Variants in ANO1 observed in about 807,000 individuals in gnomAD.
The protein encoded by ANO1 is anoctamin 1.
A neutral mutation model predicts 124.0 loss-of-function variants in ANO1; 59 were observed. That is an observed-to-expected ratio of 0.48 (90% CI 0.39 to 0.59). ANO1 has a LOEUF of 0.59. Ranked by LOEUF, ANO1 falls within the 20% of genes least tolerant of loss-of-function variation. ANO1 has a pLI of 0.00. For synonymous variants in ANO1, 529 were observed against 532.0 expected (o/e 0.99, Z 0.08); for missense variants, 1,059 against 1,328.0 (o/e 0.80, Z 3.15).
chr11:70,070,314 T>G (rs1555009144), intron 1 of ANO1, among the ~76,000 whole-genome samples: 1 of 152,172 alleles, frequency 6.6e-6, no homozygotes, highest in African/African-American at 2.4e-5. Flanking sequence ...AGCGAACTCC[T>G]CTGCAGATAA....
intron 16 of ANO1, among the ~76,000 whole-genome samples, chr11:70,158,010 A>G (rs2047888487): frequency 6.7e-6 from 1 of 149,726 alleles, no homozygotes; most frequent in Admixed American, 6.7e-5. Context: ...AAACCTGTTT[A>G]TGTTTATTTT....
chr11:70,163,351 T>G lies in ANO1; in HGVS notation c.1950+11T>G, dbSNP rs374908381. ...TTCCGAATGGAAGAGGTAACCGAAA[T>G]TTTATTCATCTCTGGCAGCCCCTTC... On this transcript the variant is annotated intron_variant, in intron 19 of 25. Transcript: ENST00000355303. 1.4e-5 allele frequency: 23 copies of G among 1,613,778 alleles called. No individual in the cohort carries two copies. In the East Asian group the frequency reaches 2.4e-4, roughly 17 times the overall value.
chr11:70,076,104 T>C (rs561011377), upstream of ANO1, among the ~76,000 whole-genome samples: 6 of 152,182 alleles, frequency 3.9e-5, no homozygotes, highest in African/African-American at 9.6e-5. Context: ...CTGGGAAGAC[T>C]TGGGGAAGGG....
rs1311843668 is a variant in ANO1, at chr11:70,040,551, C to A, written c.59-37991C>A. On this transcript the variant is annotated intron_variant, in intron 1 of 27. Coordinates refer to the ANO1 transcript ENST00000531349. ...ATTAGTCGGGCATGGTGGCACGCACCTGCAATCCCAGCACTTGGGAGGCCG... is the reference window on the plus strand; with the variant it reads ...ATTAGTCGGGCATGGTGGCACGCACATGCAATCCCAGCACTTGGGAGGCCG... Among the ~76,000 whole-genome samples the A allele has an allele frequency of 2.4e-4, 36 of 152,196 alleles. 2 individuals are homozygous for A. The highest frequency in any genetic ancestry group is 2.4e-3 in the Admixed American group (36 of 15,288).
Position 70,087,651 on chromosome 11 carries a change from CGAGT to C in ANO1, c.109-93_109-90del, listed in dbSNP as rs1236265063. On this transcript the variant is annotated intron_variant, in intron 1 of 25. Coordinates refer to ENST00000355303, the MANE Select transcript of ANO1 (RefSeq NM_018043.7). ...GGGCGCTCAGGGAGTGTTTGTTGAA[CGAGT>C]GAGTGAGGAGTGAGTGGATGAAGGG... 2.0e-4 allele frequency: 231 copies of C among 1,176,706 alleles called. No homozygotes were observed. In the East Asian group the frequency reaches 2.1e-3, roughly 11 times the overall value. The allele number at this position is 1,176,706 out of a possible 1,614,324, so 72.9% of individuals were successfully genotyped here.
chr11:69,992,019 C>T (rs1175264630), intron 1 of ANO1, among the ~76,000 whole-genome samples: 1 of 152,206 alleles, frequency 6.6e-6, no homozygotes, highest in Admixed American at 6.5e-5. Flanking sequence ...TCCACCACTT[C>T]TGTCTCCCTT....
At position 70,152,484 on chromosome 11, in the gene ANO1, T is replaced by C. The variant is rs751505120; in HGVS notation, c.1353+23T>C. The C allele has an allele frequency of 6.8e-6, 11 of 1,611,472 alleles. No individual in the cohort carries two copies. The East Asian group carries it at 1.3e-4, about 20-fold the overall frequency. ...AAGGTTTGGAACTTTTTGTCGCTCCTCTATCTTCCCACAGCCTATCTCCCT... is the reference window on the plus strand; with the variant it reads ...AAGGTTTGGAACTTTTTGTCGCTCCCCTATCTTCCCACAGCCTATCTCCCT... On this transcript the variant is annotated intron_variant, in intron 13 of 25. Coordinates refer to ENST00000355303, the MANE Select transcript of ANO1 (RefSeq NM_018043.7).
At chr11:70,072,169 G>A (rs1248593188) in intron 1 of ANO1, among the ~76,000 whole-genome samples, 2 of 152,248 alleles carry the variant, frequency 1.3e-5, no homozygotes, top group South Asian at 2.1e-4. Flanking sequence ...CCCAGCGCAG[G>A]GTTGGGACAA....
intron 1 of ANO1, among the ~76,000 whole-genome samples, chr11:70,046,707 G>T (rs1455058490): frequency 6.6e-6 from 1 of 152,044 alleles, no homozygotes; most frequent in Admixed American, 6.6e-5. Context: ...TCTTGGAGGG[G>T]CTCTTCTTGG....
At chr11:69,974,792 G>C in the ANO1 span, among the ~76,000 whole-genome samples, 1 of 152,004 alleles carries the variant, frequency 6.6e-6, no homozygotes, top group African/African-American at 2.4e-5. Context: ...TTCCGGGCAG[G>C]AGAGCTCTGC....
chr11:70,101,611 A>T lies in ANO1; in HGVS notation c.442-1455A>T, dbSNP rs541158325. On this transcript the variant is annotated intron_variant, in intron 2 of 25. Coordinates refer to ENST00000355303, the MANE Select transcript of ANO1 (RefSeq NM_018043.7). ...AAAAAAAAAAAAAAAAAAAAAACTC[A>T]TCCCCAAGTGACTTTGGCTTCATTG... Among the ~76,000 whole-genome samples, 1,278 of 144,918 alleles carry T rather than the reference A, an allele frequency of 8.8e-3. 22 individuals carry two copies. The highest frequency in any genetic ancestry group is 0.027 in the African/African-American group (1,073 of 39,278).
intron 2 of ANO1, among the ~76,000 whole-genome samples, chr11:70,090,420 T>C (rs1177796991): frequency 2.0e-5 from 3 of 152,302 alleles, no homozygotes; most frequent in East Asian, 1.9e-4. Flanking sequence ...TTCTGCCAGA[T>C]CCCAGACCCT....
the ANO1 span, among the ~76,000 whole-genome samples, chr11:69,979,577 C>T: frequency 6.6e-6 from 1 of 152,128 alleles, no homozygotes; most frequent in Non-Finnish European, 1.5e-5. Context: ...TGCCCAGGCT[C>T]TCTGAGCCTG....
intron 1 of ANO1, among the ~76,000 whole-genome samples, chr11:70,068,677 G>C (rs1476977862): frequency 2.0e-5 from 3 of 152,140 alleles, no homozygotes; most frequent in African/African-American, 7.2e-5. Context: ...GGAGGAGGAG[G>C]CCATTAGCCT....
chr11:70,102,305 G>T (rs1354180924), intron 2 of ANO1, among the ~76,000 whole-genome samples: 1 of 152,196 alleles, frequency 6.6e-6, no homozygotes, highest in East Asian at 1.9e-4. Context: ...CATCAAGCTG[G>T]CCATGAAGGT....
At chr11:70,067,809 C>A (rs1857769627) in intron 1 of ANO1, among the ~76,000 whole-genome samples, 1 of 152,178 alleles carries the variant, frequency 6.6e-6, no homozygotes, top group African/African-American at 2.4e-5. Flanking sequence ...TCCTAGTTAC[C>A]AGTGACCGTT....
intron 1 of ANO1, among the ~76,000 whole-genome samples, chr11:70,034,778 G>A (rs1184851284): frequency 3.9e-5 from 6 of 152,168 alleles, no homozygotes; most frequent in African/African-American, 1.4e-4. Context: ...ACAAGTGATA[G>A]TTTAAAATAT....
chr11:70,079,081 C>A (rs1167947296), intron 1 of ANO1, among the ~76,000 whole-genome samples: 1 of 152,120 alleles, frequency 6.6e-6, no homozygotes, highest in Non-Finnish European at 1.5e-5. Context: ...ACCTTCCCTT[C>A]CTGGCTCGCG....
At chr11:70,052,838 C>T (rs782060027) in intron 1 of ANO1, among the ~76,000 whole-genome samples, 15 of 151,966 alleles carry the variant, frequency 9.9e-5, no homozygotes, top group Admixed American at 5.2e-4. Flanking sequence ...TAAGCCACTG[C>T]GCCCGGCCCC....
Sources: allele counts gnomAD v4.1 joint callset (sites outside exome capture counted in the v4.1 genomes callset), GRCh38; gene constraint gnomAD v4.1.1; transcripts MANE v1.5; gene names NCBI Gene and HGNC (gene_info 2026-07-23, HGNC 2026-07-21).